The following IKZF2 variants were observed in gnomAD, a reference collection of about 807,000 sequenced individuals.
The protein encoded by IKZF2 is zinc finger protein Helios.
A neutral mutation model predicts 49.2 loss-of-function variants in IKZF2; 15 were observed. The observed-to-expected ratio is 0.30, with a 90% CI of 0.20 to 0.47. IKZF2 has a LOEUF of 0.47. Ranked by LOEUF, IKZF2 falls within the 20% of genes least tolerant of loss-of-function variation. The probability of loss-of-function intolerance (pLI) is 1.00; values close to 1 mark genes in which losing one functional copy is unlikely to be tolerated. For missense variants in IKZF2, 567 were observed against 664.6 expected (o/e 0.85, Z 1.61); for synonymous variants, 227 against 221.4 (o/e 1.03, Z -0.23).
chr2:213,049,364 A>G (rs1700466552), intron 6 of IKZF2, among the ~76,000 whole-genome samples: 1 of 152,150 alleles, frequency 6.6e-6, no homozygotes, highest in Non-Finnish European at 1.5e-5. Flanking sequence ...AACTCGAAAC[A>G]TAACTGATAT....
intron 4 of IKZF2, among the ~76,000 whole-genome samples, chr2:213,117,692 A>G (rs1402240712): frequency 2.0e-5 from 3 of 152,188 alleles, no homozygotes; most frequent in African/African-American, 7.2e-5. Context: ...GCTAATTACA[A>G]TACTTCCGTT....
chr2:213,058,784 G>T (rs1701411042), intron 4 of IKZF2, among the ~76,000 whole-genome samples: 1 of 151,750 alleles, frequency 6.6e-6, no homozygotes, highest in Non-Finnish European at 1.5e-5. Context: ...CTTTAAACTT[G>T]CTTTGTATGT....
intron 8 of IKZF2, among the ~76,000 whole-genome samples, chr2:213,010,367 T>G (rs868262700): frequency 2.0e-5 from 3 of 152,146 alleles, no homozygotes; most frequent in Admixed American, 6.5e-5. Context: ...TACTCATAGA[T>G]CAGGGAAAGT....
intron 4 of IKZF2, among the ~76,000 whole-genome samples, chr2:213,099,801 G>T (rs959994936): frequency 6.6e-6 from 1 of 152,050 alleles, no homozygotes; most frequent in African/African-American, 2.4e-5. Flanking sequence ...TCTCTAAAAT[G>T]AGGGTAATAA....
intron 4 of IKZF2, among the ~76,000 whole-genome samples, chr2:213,136,243 C>T (rs2060659070): frequency 7.3e-6 from 1 of 136,286 alleles, no homozygotes; most frequent in African/African-American, 2.7e-5. Flanking sequence ...TGGTGATGGG[C>T]GCCTGTAATC....
At chr2:213,143,452 T>C (rs907225557) in intron 4 of IKZF2, among the ~76,000 whole-genome samples, 5 of 152,036 alleles carry the variant, frequency 3.3e-5, no homozygotes, top group South Asian at 2.1e-4. Context: ...AACAAATCTA[T>C]ACCTCTTTTA....
chr2:213,044,429 A>C (rs1699962896), intron 6 of IKZF2, among the ~76,000 whole-genome samples: 1 of 152,216 alleles, frequency 6.6e-6, no homozygotes, highest in Non-Finnish European at 1.5e-5. Context: ...GAAATGGCCC[A>C]AAGCTCCAGT....
rs374970198 is a variant in IKZF2, at chr2:213,007,923, G to T, written c.1018C>A (p.Pro340Thr). 1.2e-5 allele frequency: 20 copies of T among 1,613,360 alleles called. No homozygotes were observed. The highest frequency in any genetic ancestry group is 1.4e-5 in the Non-Finnish European group (17 of 1,179,708). ...GCCACTTCAGCGATTGTGCTTGGCG[G>T]GTGCTGCATCAGAGGGTGAAGGGCC... is the stretch of plus-strand genomic sequence containing the variant. ...AEALHPLMQH[P>T]PSTIAEVAPV... Residue 340 changes from proline (P) to threonine (T), a missense_variant, in exon 9 of 9, where the codon CCG (proline) becomes ACG (threonine). Pro to Thr is a conservative substitution (Grantham distance 38). Coordinates refer to ENST00000434687, the MANE Select transcript of IKZF2 (RefSeq NM_001387220.1).
chr2:213,036,655 A>G (rs976001813), intron 6 of IKZF2, among the ~76,000 whole-genome samples: 1 of 152,110 alleles, frequency 6.6e-6, no homozygotes, highest in Non-Finnish European at 1.5e-5. Context: ...TTATCATCAT[A>G]TTTCTATACA....
intron 4 of IKZF2, among the ~76,000 whole-genome samples, chr2:213,116,554 G>T (rs1011310389): frequency 2.6e-5 from 4 of 152,276 alleles, no homozygotes; most frequent in Middle Eastern, 3.4e-3. Context: ...GGGAAACACA[G>T]TGGGATCTTG....
intron 4 of IKZF2, among the ~76,000 whole-genome samples, chr2:213,060,332 A>G (rs1434724824): frequency 6.6e-6 from 1 of 151,378 alleles, no homozygotes; most frequent in Non-Finnish European, 1.5e-5. Flanking sequence ...ATATATATAT[A>G]AGACTTTTGT....
At chr2:213,069,165 G>C (rs1209443209) in intron 4 of IKZF2, among the ~76,000 whole-genome samples, 1 of 152,060 alleles carries the variant, frequency 6.6e-6, no homozygotes, top group Non-Finnish European at 1.5e-5. Flanking sequence ...GGTTTCCAGG[G>C]AGGGGAATGC....
intron 8 of IKZF2, among the ~76,000 whole-genome samples, chr2:213,010,768 C>A (rs1695861193): frequency 6.6e-6 from 1 of 151,912 alleles, no homozygotes; most frequent in Non-Finnish European, 1.5e-5. Flanking sequence ...GCTCGTGCTG[C>A]CAAGGTGTAG....
chr2:213,065,245 T>C (rs1702064005), intron 4 of IKZF2, among the ~76,000 whole-genome samples: 1 of 152,126 alleles, frequency 6.6e-6, no homozygotes, highest in Non-Finnish European at 1.5e-5. Context: ...GAGTGTTTTC[T>C]GAGCAAAAAG....
intron 4 of IKZF2, among the ~76,000 whole-genome samples, chr2:213,072,577 T>A (rs2125500546): frequency 6.6e-6 from 1 of 152,256 alleles, no homozygotes; most frequent in African/African-American, 2.4e-5. Flanking sequence ...CCTTTCTACA[T>A]ACTGACTTTA....
At chr2:213,022,702 T>C (rs112887110) in intron 6 of IKZF2, among the ~76,000 whole-genome samples, 25 of 152,280 alleles carry the variant, frequency 1.6e-4, no homozygotes, top group African/African-American at 6.0e-4. Context: ...TATTCACACA[T>C]GCAAAATTTT....
In IKZF2 at chr2:213,000,829, G is replaced by C. The variant is rs1199369793; in HGVS notation, c.*6531C>G. 2.6e-5 allele frequency: 4 copies of C among 151,496 alleles called. No individual in the cohort carries two copies. Among genetic ancestry groups the C allele is most frequent in the Non-Finnish European group, 5.9e-5 (4 of 67,590 alleles). The allele number at this position is 151,496 out of a possible 1,614,324, so 9.4% of individuals were successfully genotyped here. On this transcript the variant is annotated 3_prime_UTR_variant, in exon 9 of 9. Transcript: ENST00000434687. ...TCTTAATTTAGAGCATTGGGCGAGG[G>C]TCTAAGAAGATTCAATCTGTAAAAA...
chr2:213,080,067 T>C (rs1211212663), intron 4 of IKZF2, among the ~76,000 whole-genome samples: 2 of 152,064 alleles, frequency 1.3e-5, no homozygotes, highest in African/African-American at 4.8e-5. Flanking sequence ...TCCCACAACT[T>C]ACAACTACAA....
intron 4 of IKZF2, among the ~76,000 whole-genome samples, chr2:213,072,664 A>G (rs1341783176): frequency 1.3e-5 from 2 of 152,112 alleles, no homozygotes; most frequent in Non-Finnish European, 2.9e-5. Flanking sequence ...GACCATATTT[A>G]TTTGTTTCCC....
Sources: allele counts gnomAD v4.1 joint callset (sites outside exome capture counted in the v4.1 genomes callset), GRCh38; gene constraint gnomAD v4.1.1; transcripts MANE v1.5; gene names NCBI Gene and HGNC (gene_info 2026-07-23, HGNC 2026-07-21).